The following WWOX variants were observed in gnomAD, a reference collection of about 807,000 sequenced individuals.
WWOX encodes the protein WW domain containing oxidoreductase.
A neutral mutation model predicts 46.2 loss-of-function variants in WWOX; 69 were observed. The observed-to-expected ratio is 1.49, with a 90% CI of 1.23 to 1.82. The LOEUF (loss-of-function observed/expected upper bound fraction) is 1.82. WWOX is among the 40% of genes most tolerant of loss of function. The probability of loss-of-function intolerance (pLI) is 0.00; values close to 1 mark genes in which losing one functional copy is unlikely to be tolerated. For missense variants in WWOX, 919 were observed against 542.6 expected, an observed-to-expected ratio of 1.69 and a Z score of -6.89; for synonymous variants, 359 against 202.6, an observed-to-expected ratio of 1.77 and a Z score of -6.56.
chr16:78,789,553 CTG>C (rs747074135), intron 8 of WWOX, among the ~76,000 whole-genome samples: 91 of 152,198 alleles, frequency 6.0e-4, no homozygotes, highest in Non-Finnish European at 1.1e-3. Context: ...TTACTGTACT[CTG>C]TGTAAGTTTT....
intron 5 of WWOX, among the ~76,000 whole-genome samples, chr16:78,314,299 G>T (rs1261949840): frequency 6.6e-6 from 1 of 150,762 alleles, no homozygotes; most frequent in Non-Finnish European, 1.5e-5. Context: ...TCAGCTACTC[G>T]GGAGGCTGAG....
chr16:79,080,216 G>A (rs1406785042), intron 8 of WWOX, among the ~76,000 whole-genome samples: 1 of 152,192 alleles, frequency 6.6e-6, no homozygotes, highest in African/African-American at 2.4e-5. Context: ...ACACAGCCAA[G>A]CCTTGGGAGG....
At chr16:78,901,535 T>C (rs1224947918) in intron 8 of WWOX, among the ~76,000 whole-genome samples, 1 of 152,226 alleles carries the variant, frequency 6.6e-6, no homozygotes, top group Non-Finnish European at 1.5e-5. Flanking sequence ...TTGCCCAGGC[T>C]CGAGTACATT....
chr16:78,797,647 G>A (rs1260662134), intron 8 of WWOX, among the ~76,000 whole-genome samples: 1 of 152,066 alleles, frequency 6.6e-6, no homozygotes, highest in Non-Finnish European at 1.5e-5. Context: ...CAGTCTCAAG[G>A]AACTATGATA....
Position 78,926,357 on chromosome 16 carries a change from T to G in WWOX, c.1057-285251T>G, listed in dbSNP as rs557702519. On this transcript the variant is annotated intron_variant, in intron 8 of 8. Transcript: ENST00000566780. ...CATTGCATTTCAGCGTGGGTGACAG[T>G]GAGACCCTATCTCAAAAAAAAAAAA... Among the ~76,000 whole-genome samples the G allele has an allele frequency of 4.7e-5, 6 of 126,746 alleles. No individual in the cohort carries two copies. In the East Asian group the frequency reaches 1.4e-3, roughly 29 times the overall value. 83.2% of individuals were successfully genotyped at this position (126,746 alleles called of 152,430 possible).
At chr16:78,577,466 C>T (rs117646762) in intron 8 of WWOX, among the ~76,000 whole-genome samples, 4,531 of 152,244 alleles carry the variant, frequency 0.03, 91 homozygotes, top group Non-Finnish European at 0.045. Context: ...ACCTTTCATG[C>T]AACCTTGAAT....
At chr16:78,844,195 C>T (rs1597709170) in intron 8 of WWOX, among the ~76,000 whole-genome samples, 2 of 152,274 alleles carry the variant, frequency 1.3e-5, no homozygotes, top group East Asian at 3.9e-4. Context: ...CATACCTTCC[C>T]CTCTTTTGGA....
At chr16:78,809,972 G>C (rs9923322) in intron 8 of WWOX, among the ~76,000 whole-genome samples, 1 of 151,994 alleles carries the variant, frequency 6.6e-6, no homozygotes, top group Non-Finnish European at 1.5e-5. Context: ...CTGTTCATCT[G>C]GCAAATCTCA....
intron 8 of WWOX, among the ~76,000 whole-genome samples, chr16:78,710,609 G>A (rs1035596790): frequency 1.4e-5 from 2 of 146,358 alleles, no homozygotes; most frequent in Admixed American, 7.0e-5. Flanking sequence ...ATACATATAT[G>A]TGTATATATA....
chr16:78,526,692 G>C (rs1347986469), intron 8 of WWOX, among the ~76,000 whole-genome samples: 1 of 152,164 alleles, frequency 6.6e-6, no homozygotes, highest in African/African-American at 2.4e-5. Context: ...GACGTGTCAA[G>C]ACTGCAGCCT....
At chr16:78,204,218 A>G (rs1190017090) in intron 5 of WWOX, among the ~76,000 whole-genome samples, 3 of 152,180 alleles carry the variant, frequency 2.0e-5, no homozygotes, top group Admixed American at 2.0e-4. Flanking sequence ...CAGACCCTCC[A>G]GCCTTTTTTT....
At chr16:78,100,123 G>C in intron 1 of WWOX, 1 of 1,349,980 alleles carries the variant, frequency 7.4e-7, no homozygotes, top group Non-Finnish European at 9.5e-7. Context: ...TGCTGTTCAG[G>C]ATGCAGCACT....
At chr16:79,160,653 A>C (rs1487525267) in intron 8 of WWOX, among the ~76,000 whole-genome samples, 1 of 152,170 alleles carries the variant, frequency 6.6e-6, no homozygotes, top group African/African-American at 2.4e-5. Context: ...TCTGCAGCCC[A>C]CACTCGGCTC....
chr16:78,296,327 G>C (rs2079943794), intron 5 of WWOX, among the ~76,000 whole-genome samples: 2 of 151,838 alleles, frequency 1.3e-5, no homozygotes, highest in African/African-American at 4.8e-5. Flanking sequence ...AAATGAAAAT[G>C]TAACTTAGTC....
At chr16:78,716,093 T>C (rs1330815052) in intron 8 of WWOX, among the ~76,000 whole-genome samples, 1 of 152,040 alleles carries the variant, frequency 6.6e-6, no homozygotes, top group East Asian at 1.9e-4. Context: ...ACAGTCACAT[T>C]GAAATGAGGT....
At chr16:78,567,189 C>T (rs1210624366) in intron 8 of WWOX, among the ~76,000 whole-genome samples, 1 of 152,176 alleles carries the variant, frequency 6.6e-6, no homozygotes. Flanking sequence ...AAGCCCCCAT[C>T]ATGTCCTGAC....
intron 8 of WWOX, among the ~76,000 whole-genome samples, chr16:78,873,835 GT>G (rs200850795): frequency 0.025 from 3,876 of 152,136 alleles, 67 homozygotes; most frequent in Non-Finnish European, 0.035. Context: ...GGAAGGCTAT[GT>G]TTTTTTGCCA....
intron 8 of WWOX, among the ~76,000 whole-genome samples, chr16:79,155,988 C>T (rs2050374088): frequency 6.6e-6 from 1 of 151,736 alleles, no homozygotes; most frequent in Admixed American, 6.6e-5. Context: ...GCACTCATAA[C>T]TCACTTAGTC....
chr16:78,826,074 G>A (rs2051647214), intron 8 of WWOX: 2 of 381,328 alleles, frequency 5.2e-6, no homozygotes, highest in Non-Finnish European at 4.7e-6. Flanking sequence ...ATAAAATATT[G>A]TACAAAGACA....
Sources: allele counts gnomAD v4.1 joint callset (sites outside exome capture counted in the v4.1 genomes callset), GRCh38; gene constraint gnomAD v4.1.1; transcripts MANE v1.5; gene names NCBI Gene and HGNC (gene_info 2026-07-23, HGNC 2026-07-21).